Variants in SUMF1 observed in about 807,000 individuals in gnomAD.
SUMF1 encodes the protein sulfatase modifying factor 1.
SUMF1 carries 48 observed loss-of-function variants against 47.6 expected under a neutral mutation model. That is an observed-to-expected ratio of 1.01 (90% confidence interval 0.80 to 1.28). The LOEUF (loss-of-function observed/expected upper bound fraction) is 1.28, where lower values mean the gene tolerates loss of function less well. Among genes scored for constraint, SUMF1 ranks in the 50% most tolerant of loss-of-function variants. SUMF1 has a pLI of 0.00. For missense variants in SUMF1, 571 were observed against 485.4 expected (o/e 1.18, Z -1.66); for synonymous variants, 230 against 192.1 (o/e 1.20, Z -1.63).
intron 8 of SUMF1, among the ~76,000 whole-genome samples, chr3:4,080,976 C>G (rs1692547400): frequency 6.6e-6 from 1 of 152,058 alleles, no homozygotes; most frequent in Non-Finnish European, 1.5e-5. Flanking sequence ...TCAGTTTGCT[C>G]AACTGAAAAA....
intron 8 of SUMF1, among the ~76,000 whole-genome samples, chr3:4,170,697 A>G (rs1384701724): frequency 6.6e-6 from 1 of 152,148 alleles, no homozygotes; most frequent in Non-Finnish European, 1.5e-5. Context: ...AGTGAACTAA[A>G]CTTTGACAAG....
chr3:4,318,104 A>G (rs1479114989), intron 8 of SUMF1, among the ~76,000 whole-genome samples: 2 of 151,102 alleles, frequency 1.3e-5, no homozygotes, highest in African/African-American at 4.8e-5. Context: ...CCATAACCAG[A>G]CACATGAGTT....
At chr3:4,397,649 G>A (rs1352174240) in intron 7 of SUMF1, among the ~76,000 whole-genome samples, 3 of 152,082 alleles carry the variant, frequency 2.0e-5, no homozygotes. Flanking sequence ...GCCCAATTCT[G>A]TATGTTCTGC....
At chr3:4,092,690 T>G (rs965055235) in intron 8 of SUMF1, among the ~76,000 whole-genome samples, 33 of 152,126 alleles carry the variant, frequency 2.2e-4, no homozygotes, top group African/African-American at 7.2e-4. Context: ...TTCTACTAAG[T>G]GTCCAGAACT....
At chr3:4,196,457 T>C (rs539780666) in intron 8 of SUMF1, among the ~76,000 whole-genome samples, 32 of 152,030 alleles carry the variant, frequency 2.1e-4, no homozygotes, top group African/African-American at 7.2e-4. Flanking sequence ...CTGGAAGGAG[T>C]TGCAGTCAAG....
Position 4,395,263 on chromosome 3 carries a change from T to C in SUMF1, c.954+15602A>G, listed in dbSNP as rs1701004372. Reference sequence around the variant, plus strand: ...TAACCAGATAGAGTATCTTCTAGGTTCAGCAGCATCTCTACCCAAAGTACA... The same window carrying C: ...TAACCAGATAGAGTATCTTCTAGGTCCAGCAGCATCTCTACCCAAAGTACA... On this transcript the variant is annotated intron_variant, in intron 7 of 8. Coordinates refer to ENST00000272902, the MANE Select transcript of SUMF1 (RefSeq NM_182760.4). Among the ~76,000 whole-genome samples the C allele has an allele frequency of 3.3e-5, 5 of 152,268 alleles. No homozygotes were observed. The South Asian group carries it at 1.0e-3, about 32-fold the overall frequency.
intron 9 of SUMF1, among the ~76,000 whole-genome samples, chr3:4,039,989 T>C (rs1255771452): frequency 6.6e-6 from 1 of 152,056 alleles, no homozygotes; most frequent in Admixed American, 6.6e-5. Context: ...ACCATAGCAC[T>C]CCAACATGGG....
intron 8 of SUMF1, among the ~76,000 whole-genome samples, chr3:4,156,015 T>C (rs937867815): frequency 6.6e-6 from 1 of 151,334 alleles, no homozygotes; most frequent in Non-Finnish European, 1.5e-5. Context: ...ATTTTGTTTT[T>C]CATCTGAAAG....
In SUMF1 at chr3:4,467,108, A is replaced by G. The variant is rs2124823714; in HGVS notation, c.138T>C (p.Leu46=). 6.4e-7 allele frequency: 1 copy of G among 1,562,654 alleles called. No individual in the cohort carries two copies. The highest frequency in any genetic ancestry group is 1.2e-5 in the South Asian group (1 of 85,622). ...EAGTGAGAGS[L]AGSCGCGTPQ... The stretch of plus-strand genomic sequence containing the variant: ...GCGTGCCGCAGCCGCAAGAACCCGC[A>G]AGGGACCCCGCGCCCGCACCGGTCC... The change falls in exon 1 of 9, where the codon CTT becomes CTC. Residue 46 remains leucine (L), a synonymous_variant. Transcript: ENST00000272902.
At chr3:4,138,357 A>G (rs1433902867) in intron 8 of SUMF1, among the ~76,000 whole-genome samples, 1 of 152,138 alleles carries the variant, frequency 6.6e-6, no homozygotes, top group African/African-American at 2.4e-5. Context: ...CCTGCCTAAT[A>G]GGAATATCTT....
At chr3:4,064,812 G>A (rs1398618980) in intron 9 of SUMF1, among the ~76,000 whole-genome samples, 3 of 152,142 alleles carry the variant, frequency 2.0e-5, no homozygotes, top group East Asian at 1.9e-4. Context: ...GAAGGAGTAC[G>A]CTTCAGCCAT....
chr3:4,119,043 A>G (rs1693481487), intron 8 of SUMF1, among the ~76,000 whole-genome samples: 1 of 151,862 alleles, frequency 6.6e-6, no homozygotes, highest in South Asian at 2.1e-4. Flanking sequence ...TTATTTACCT[A>G]TTTTCCTCCA....
chr3:4,455,179 AG>A (rs1350785178), intron 1 of SUMF1, among the ~76,000 whole-genome samples: 1 of 152,234 alleles, frequency 6.6e-6, no homozygotes, highest in Non-Finnish European at 1.5e-5. Flanking sequence ...CATTTGAGTG[AG>A]CCAATTAATA....
intron 7 of SUMF1, among the ~76,000 whole-genome samples, chr3:4,381,847 C>T (rs534195331): frequency 6.6e-6 from 1 of 152,134 alleles, no homozygotes; most frequent in Non-Finnish European, 1.5e-5. Flanking sequence ...GAGTTCAAGA[C>T]CGGCCTTGGG....
chr3:4,071,828 G>A (rs1695533973), intron 8 of SUMF1, among the ~76,000 whole-genome samples: 1 of 152,182 alleles, frequency 6.6e-6, no homozygotes, highest in Non-Finnish European at 1.5e-5. Context: ...TCATCTCCCT[G>A]GGACAGAGCA....
intron 8 of SUMF1, among the ~76,000 whole-genome samples, chr3:4,240,652 G>A (rs757171975): frequency 5.3e-5 from 8 of 151,724 alleles, no homozygotes; most frequent in Non-Finnish European, 1.2e-4. Flanking sequence ...AGCAACCCAA[G>A]TATCAAAAAT....
intron 8 of SUMF1, among the ~76,000 whole-genome samples, chr3:4,112,901 T>C (rs990459620): frequency 1.3e-5 from 2 of 152,154 alleles, no homozygotes; most frequent in Non-Finnish European, 2.9e-5. Flanking sequence ...GAATCTGAAT[T>C]GATCTTGTTT....
intron 8 of SUMF1, among the ~76,000 whole-genome samples, chr3:4,232,464 C>T (rs1170677088): frequency 6.6e-6 from 1 of 152,040 alleles, no homozygotes; most frequent in East Asian, 1.9e-4. Flanking sequence ...AGGCTCTGTG[C>T]TCTTCAGATT....
Position 4,404,953 on chromosome 3 carries a change from T to C in SUMF1, c.954+5912A>G, listed in dbSNP as rs534813249. Among the ~76,000 whole-genome samples, 17 of 152,300 alleles carry C rather than the reference T, an allele frequency of 1.1e-4. No individual in the cohort carries two copies. In the South Asian group the frequency reaches 3.3e-3, roughly 30 times the overall value. ...AAGTCTTAACTAAGGAGAAAGATGATATGATATTTACCGGTTTTTGCCAGA... is the reference window on the plus strand; with the variant it reads ...AAGTCTTAACTAAGGAGAAAGATGACATGATATTTACCGGTTTTTGCCAGA... On this transcript the variant is annotated intron_variant, in intron 7 of 8. Transcript: ENST00000272902.
Sources: allele counts gnomAD v4.1 joint callset (sites outside exome capture counted in the v4.1 genomes callset), GRCh38; gene constraint gnomAD v4.1.1; transcripts MANE v1.5; gene names NCBI Gene and HGNC (gene_info 2026-07-23, HGNC 2026-07-21).